Variants in NELL1 observed in about 807,000 individuals in gnomAD.
The protein encoded by NELL1 is neural EGFL like 1.
In NELL1, 76 loss-of-function variants were observed where a neutral mutation model predicts 107.4. The ratio of observed to expected loss-of-function variants is 0.71; its 90% CI spans 0.59 to 0.86. The LOEUF (loss-of-function observed/expected upper bound fraction) is 0.86. Among genes scored for constraint, NELL1 ranks in the 40% least tolerant of loss-of-function variants. The pLI, the probability that NELL1 is intolerant of heterozygous loss-of-function variation, is 0.00. For missense variants in NELL1, 1,024 were observed against 1,005.5 expected, an observed-to-expected ratio of 1.02 and a Z score of -0.25; for synonymous variants, 353 against 341.2, an observed-to-expected ratio of 1.03 and a Z score of -0.38.
chr11:20,879,088 CAGTCAGGA>C (rs1173269037), intron 4 of NELL1, among the ~76,000 whole-genome samples: 3 of 152,100 alleles, frequency 2.0e-5, no homozygotes, highest in Non-Finnish European at 2.9e-5. Context: ...GTGGTAGCAG[CAGTCAGGA>C]AGTACACACA....
chr11:21,114,818 A>C (rs930931397), intron 13 of NELL1, among the ~76,000 whole-genome samples: 1 of 152,032 alleles, frequency 6.6e-6, no homozygotes, highest in Non-Finnish European at 1.5e-5. Context: ...CTAGGATTTC[A>C]GTGTTTTAAA....
chr11:20,971,428 A>T (rs916212091), intron 12 of NELL1, among the ~76,000 whole-genome samples: 7 of 152,204 alleles, frequency 4.6e-5, no homozygotes. Context: ...AAATGGAAAT[A>T]GAAATGTAGT....
chr11:21,555,026 A>AT (rs1001030741), intron 16 of NELL1, among the ~76,000 whole-genome samples: 1 of 151,910 alleles, frequency 6.6e-6, no homozygotes, highest in Non-Finnish European at 1.5e-5. Context: ...ATATACAAAT[A>AT]TTTTTTTAAA....
intron 14 of NELL1, among the ~76,000 whole-genome samples, chr11:21,309,291 T>TATATATATATA (rs1849691321): frequency 1.3e-5 from 1 of 78,836 alleles, no homozygotes; most frequent in Admixed American, 1.5e-4. Context: ...TATATATATA[T>TATATATATATA]ATATATATGT....
At chr11:21,468,275 T>C (rs1854080492) in intron 15 of NELL1, among the ~76,000 whole-genome samples, 1 of 152,106 alleles carries the variant, frequency 6.6e-6, no homozygotes, top group African/African-American at 2.4e-5. Context: ...GATGCTTTGT[T>C]ACCCAAACAT....
chr11:21,369,852 G>A (rs1851318478), intron 14 of NELL1, among the ~76,000 whole-genome samples: 1 of 152,028 alleles, frequency 6.6e-6, no homozygotes, highest in Admixed American at 6.6e-5. Flanking sequence ...TGGAAGAGTT[G>A]CAGAATTGTT....
At chr11:20,864,652 G>A (rs1590360971) in intron 4 of NELL1, among the ~76,000 whole-genome samples, 2 of 152,322 alleles carry the variant, frequency 1.3e-5, no homozygotes, top group South Asian at 4.1e-4. Flanking sequence ...CTGTCTGCCT[G>A]TTGCTGCTGC....
Position 21,534,478 on chromosome 11 carries a change from G to A in NELL1, c.1750G>A (p.Asp584Asn), listed in dbSNP as rs201961389. The change falls in exon 16 of 20, where the codon GAT becomes AAT. Residue 584 changes from aspartate (D) to asparagine (N), a missense_variant. By Grantham distance (23) the Asp-to-Asn change is conservative. Coordinates refer to ENST00000357134, the MANE Select transcript of NELL1 (RefSeq NM_006157.5). ...TGAGTGCAGAAGCGGTTTCCATGAC[G>A]ATGGGACCTATTCACTGTCCGGGGA... is the stretch of plus-strand genomic sequence containing the variant. The part of the protein sequence containing the change: ...HCECRSGFHD[D>N]GTYSLSGESC... The A allele has an allele frequency of 4.6e-5, 75 of 1,613,824 alleles. No individual in the cohort carries two copies. In the East Asian group the frequency reaches 1.1e-3, roughly 24 times the overall value.
At chr11:21,417,006 T>C (rs1295672783) in intron 15 of NELL1, among the ~76,000 whole-genome samples, 2 of 152,084 alleles carry the variant, frequency 1.3e-5, no homozygotes, top group African/African-American at 4.8e-5. Flanking sequence ...TTAAATAATT[T>C]GCCCGAAGTC....
chr11:21,435,162 A>AT (rs938713767), intron 15 of NELL1, among the ~76,000 whole-genome samples: 3 of 151,496 alleles, frequency 2.0e-5, no homozygotes, highest in Admixed American at 1.3e-4. Flanking sequence ...CATGCACTGT[A>AT]TTTTTTTTCT....
chr11:21,533,778 T>A (rs535085830), intron 15 of NELL1, among the ~76,000 whole-genome samples: 1 of 152,142 alleles, frequency 6.6e-6, no homozygotes, highest in Non-Finnish European at 1.5e-5. Context: ...CAAACTGTGT[T>A]CCCCACAACA....
intron 15 of NELL1, among the ~76,000 whole-genome samples, chr11:21,446,890 A>G (rs1397969602): frequency 6.6e-6 from 1 of 152,228 alleles, no homozygotes; most frequent in Non-Finnish European, 1.5e-5. Context: ...AGCTTGGTCC[A>G]GAGATGCCGT....
intron 12 of NELL1, among the ~76,000 whole-genome samples, chr11:20,977,626 CAA>C (rs1433878488): frequency 1.3e-5 from 2 of 152,128 alleles, no homozygotes; most frequent in Non-Finnish European, 2.9e-5. Flanking sequence ...AAAACATACT[CAA>C]ATTATTAAAT....
chr11:20,913,745 A>T (rs1410158437), intron 5 of NELL1, among the ~76,000 whole-genome samples: 1 of 150,420 alleles, frequency 6.6e-6, no homozygotes, highest in Non-Finnish European at 1.5e-5. Context: ...TCTGCACCTT[A>T]GGGATTTATT....
At chr11:21,019,491 G>A (rs1852648375) in intron 12 of NELL1, among the ~76,000 whole-genome samples, 2 of 152,020 alleles carry the variant, frequency 1.3e-5, no homozygotes, top group Admixed American at 1.3e-4. Flanking sequence ...GTCGAATTAG[G>A]GGCTATGTGT....
In NELL1 at chr11:20,907,442, A is replaced by G. The variant is rs142134373; in HGVS notation, c.604-10740A>G. Among the ~76,000 whole-genome samples the G allele has an allele frequency of 2.1e-3, 320 of 152,292 alleles. 2 individuals carry two copies. Among genetic ancestry groups the G allele is most frequent in the Non-Finnish European group, 3.4e-3 (230 of 67,996 alleles). On this transcript the variant is annotated intron_variant, in intron 5 of 19. Transcript: ENST00000357134. ...ATACACATTTCTCCAAAGAAGATAT[A>G]CAAATGGCCAATAAGCACATGAAAA... is the stretch of plus-strand genomic sequence containing the variant.
At chr11:21,469,293 T>C (rs1854115464) in intron 15 of NELL1, among the ~76,000 whole-genome samples, 1 of 151,994 alleles carries the variant, frequency 6.6e-6, no homozygotes, top group South Asian at 2.1e-4. Flanking sequence ...TTTTGTTTTG[T>C]TTTGCTTCTC....
rs142400850 is a variant in NELL1, at chr11:20,847,623, C to T, written c.376C>T (p.Arg126Trp). Residue 126 changes from arginine to tryptophan, a missense_variant, in exon 4 of 20, where the codon CGG becomes TGG. Physicochemically the swap from Arg to Trp is moderately radical, Grantham distance 101 (BLOSUM62 -3). Coordinates refer to ENST00000357134, the MANE Select transcript of NELL1 (RefSeq NM_006157.5). ...GAGCAGTGGCCTGAGGGATGAGATT[C>T]GGTATCACTACATACACAATGGGAA... ...LESSGLRDEI[R>W]YHYIHNGKPR... 5.5e-5 allele frequency: 88 copies of T among 1,613,732 alleles called. No homozygotes were observed. Among genetic ancestry groups the T allele is most frequent in the Non-Finnish European group, 6.4e-5 (76 of 1,179,798 alleles).
intron 3 of NELL1, among the ~76,000 whole-genome samples, chr11:20,790,844 C>G (rs1413298892): frequency 1.3e-5 from 2 of 152,222 alleles, no homozygotes; most frequent in African/African-American, 4.8e-5. Flanking sequence ...CTCCACAAAG[C>G]CTGCAGGCCT....
Sources: gnomAD v4.1 joint callset for allele counts (sites outside exome capture counted in the v4.1 genomes callset) on GRCh38, gnomAD v4.1.1 for gene constraint, MANE v1.5 for transcripts, NCBI Gene and HGNC (gene_info 2026-07-23, HGNC 2026-07-21) for gene names.